SMYD3: variants seen among roughly 807,000 people sequenced by gnomAD.
SMYD3 encodes the protein SET and MYND domain containing 3, also known as histone-lysine N-methyltransferase SMYD3.
In SMYD3, 36 loss-of-function variants were observed where a neutral mutation model predicts 57.7. The ratio of observed to expected loss-of-function variants is 0.62; its 90% CI spans 0.48 to 0.82. SMYD3 has a LOEUF of 0.82. SMYD3 is among the 40% of genes least tolerant of loss of function. SMYD3 has a pLI of 0.00. For missense variants in SMYD3, 515 were observed against 538.8 expected (o/e 0.96, Z 0.44); for synonymous variants, 211 against 195.0 (o/e 1.08, Z -0.68).
intron 5 of SMYD3, among the ~76,000 whole-genome samples, chr1:246,143,512 C>T (rs564048817): frequency 6.6e-5 from 10 of 152,140 alleles, no homozygotes; most frequent in African/African-American, 1.9e-4. Context: ...ACTAAAAATA[C>T]AAAAAATCAG....
intron 5 of SMYD3, among the ~76,000 whole-genome samples, chr1:246,060,970 C>T (rs2060242470): frequency 6.6e-6 from 1 of 152,150 alleles, no homozygotes; most frequent in African/African-American, 2.4e-5. Flanking sequence ...GCTCACGCCT[C>T]TAATCTCAGC....
chr1:245,814,171 T>C (rs1373120166), intron 10 of SMYD3, among the ~76,000 whole-genome samples: 1 of 152,158 alleles, frequency 6.6e-6, no homozygotes, highest in African/African-American at 2.4e-5. Context: ...AAAACGTGAC[T>C]ATTAAATTAA....
chr1:246,275,703 G>A (rs1219882628), intron 5 of SMYD3, among the ~76,000 whole-genome samples: 5 of 151,278 alleles, frequency 3.3e-5, no homozygotes, highest in African/African-American at 4.9e-5. Flanking sequence ...TTTTTTACTA[G>A]CTGTATTAAC....
rs749911465 is a variant in SMYD3 at position 245,863,889 on chromosome 1, GC to G, written c.814-4del. The G allele has an allele frequency of 6.2e-7, 1 of 1,613,656 alleles. No individual in the cohort carries two copies. On this transcript the variant is annotated splice_region_variant and splice_polypyrimidine_tract_variant and intron_variant, in intron 8 of 11. Transcript: ENST00000490107. ...TCACCAGTTAGCATATCAGCATCCTGCTCAGGCCAGAAAAGGAAGACAAATA... is the reference window on the plus strand; with the variant it reads ...TCACCAGTTAGCATATCAGCATCCTGTCAGGCCAGAAAAGGAAGACAAATA...
chr1:246,145,270 G>C (rs1004084539), intron 5 of SMYD3, among the ~76,000 whole-genome samples: 3 of 152,092 alleles, frequency 2.0e-5, no homozygotes, highest in African/African-American at 7.2e-5. Flanking sequence ...AAATGAAAGC[G>C]GTATAACATC....
At chr1:245,857,983 T>C (rs1480824882) in intron 10 of SMYD3, among the ~76,000 whole-genome samples, 1 of 152,200 alleles carries the variant, frequency 6.6e-6, no homozygotes, top group Non-Finnish European at 1.5e-5. Flanking sequence ...GTCTCCCTGC[T>C]GTCCTCCCTG....
intron 10 of SMYD3, among the ~76,000 whole-genome samples, chr1:245,857,104 C>T (rs1373886771): frequency 1.3e-5 from 2 of 152,166 alleles, no homozygotes; most frequent in Non-Finnish European, 2.9e-5. Flanking sequence ...CAAGCCAATC[C>T]CTCATACATT....
intron 5 of SMYD3, among the ~76,000 whole-genome samples, chr1:246,236,677 GTTTT>G (rs1275755186): frequency 6.6e-6 from 1 of 151,920 alleles, no homozygotes; most frequent in Admixed American, 6.6e-5. Context: ...GCCTCCCAAA[GTTTT>G]TTTATTTTTC....
intron 5 of SMYD3, among the ~76,000 whole-genome samples, chr1:246,114,948 G>A (rs12084046): frequency 0.17 from 25,357 of 152,130 alleles, 2,727 homozygotes; most frequent in East Asian, 0.41. Flanking sequence ...GTTTTAACTC[G>A]CACCTGTTTC....
chr1:246,475,176 C>T (rs1180544258), intron 1 of SMYD3, among the ~76,000 whole-genome samples: 1 of 151,624 alleles, frequency 6.6e-6, no homozygotes, highest in African/African-American at 2.4e-5. Context: ...GACTAAAACA[C>T]AAAAAATTAG....
intron 10 of SMYD3, among the ~76,000 whole-genome samples, chr1:245,821,987 G>A (rs2049186896): frequency 6.6e-6 from 1 of 152,012 alleles, no homozygotes; most frequent in Non-Finnish European, 1.5e-5. Context: ...AAGTCAGTGT[G>A]GCAATTCCTC....
chr1:246,206,892 GC>G (rs1474113815), intron 5 of SMYD3, among the ~76,000 whole-genome samples: 11 of 152,120 alleles, frequency 7.2e-5, no homozygotes, highest in African/African-American at 2.4e-4. Context: ...ACTGTAAAAA[GC>G]TAAATTCACA....
At chr1:246,419,174 A>G (rs540127377) in intron 1 of SMYD3, among the ~76,000 whole-genome samples, 38 of 152,308 alleles carry the variant, frequency 2.5e-4, no homozygotes, top group Admixed American at 1.0e-3. Flanking sequence ...CTATCTCTAT[A>G]AGAACTATAG....
intron 1 of SMYD3, among the ~76,000 whole-genome samples, chr1:246,357,021 G>A (rs913109829): frequency 2.6e-5 from 4 of 152,166 alleles, no homozygotes; most frequent in Non-Finnish European, 4.4e-5. Flanking sequence ...CTTAAGAGCT[G>A]TGAGGCAAAA....
intron 5 of SMYD3, among the ~76,000 whole-genome samples, chr1:246,132,337 T>G (rs936946749): frequency 2.6e-5 from 4 of 152,086 alleles, no homozygotes; most frequent in Non-Finnish European, 5.9e-5. Flanking sequence ...TCCATGTACA[T>G]GGATTAGAAA....
chr1:246,251,145 T>A (rs182985876), intron 5 of SMYD3, among the ~76,000 whole-genome samples: 19 of 152,306 alleles, frequency 1.2e-4, no homozygotes, highest in Admixed American at 1.2e-3. Context: ...AGAACCAACA[T>A]TGATTTGACT....
At chr1:245,987,929 C>T (rs964731442) in intron 5 of SMYD3, among the ~76,000 whole-genome samples, 3 of 152,214 alleles carry the variant, frequency 2.0e-5, no homozygotes, top group East Asian at 1.9e-4. Context: ...CCAGTTTCTA[C>T]GGTCCCACTC....
chr1:245,940,493 C>T (rs2057188795), intron 5 of SMYD3, among the ~76,000 whole-genome samples: 1 of 152,052 alleles, frequency 6.6e-6, no homozygotes, highest in South Asian at 2.1e-4. Context: ...GCAGGAAGCA[C>T]CCAGGTGAAT....
intron 5 of SMYD3, among the ~76,000 whole-genome samples, chr1:246,237,404 T>C (rs775500918): frequency 6.6e-6 from 1 of 152,300 alleles, no homozygotes; most frequent in Middle Eastern, 3.4e-3. Flanking sequence ...ATACTTATGG[T>C]TGTTGTTCTA....
Sources: allele counts gnomAD v4.1 joint callset (sites outside exome capture counted in the v4.1 genomes callset), GRCh38; gene constraint gnomAD v4.1.1; transcripts MANE v1.5; gene names NCBI Gene and HGNC (gene_info 2026-07-23, HGNC 2026-07-21).